Variants in CA10 observed in about 807,000 individuals in gnomAD.
CA10 encodes carbonic anhydrase-related protein 10.
CA10 carries 14 observed loss-of-function variants against 44.2 expected under a neutral mutation model. The ratio of observed to expected loss-of-function variants is 0.32; its 90% CI spans 0.21 to 0.50. The LOEUF (loss-of-function observed/expected upper bound fraction) is 0.50, where lower values mean the gene tolerates loss of function less well. Among genes scored for constraint, CA10 ranks in the 20% least tolerant of loss-of-function variants. The pLI is 0.99. For synonymous variants in CA10, 159 were observed against 141.6 expected (o/e 1.12, Z -0.87); for missense variants, 350 against 409.7 (o/e 0.85, Z 1.26).
chr17:51,937,061 C>T (rs1443758041), intron 2 of CA10, among the ~76,000 whole-genome samples: 3 of 152,114 alleles, frequency 2.0e-5, no homozygotes, highest in Admixed American at 6.6e-5. Context: ...AATCTTTTCT[C>T]GTTTTCAAGC....
At chr17:52,030,936 A>T (rs1334814155) in intron 2 of CA10, among the ~76,000 whole-genome samples, 1 of 152,216 alleles carries the variant, frequency 6.6e-6, no homozygotes, top group Admixed American at 6.5e-5. Context: ...ACTGAGCCAC[A>T]CTACTGGCAT....
chr17:51,734,166 T>C (rs1488307137), intron 4 of CA10, among the ~76,000 whole-genome samples: 1 of 116,992 alleles, frequency 8.5e-6, no homozygotes, highest in African/African-American at 3.8e-5. Context: ...AAGTGTGTAC[T>C]CAATCTTTGG....
intron 1 of CA10, among the ~76,000 whole-genome samples, chr17:52,156,586 G>A (rs1257900281): frequency 6.6e-6 from 1 of 152,198 alleles, no homozygotes; most frequent in Non-Finnish European, 1.5e-5. Context: ...CCAGAATCAG[G>A]TCTGGCTTAA....
intron 4 of CA10, among the ~76,000 whole-genome samples, chr17:51,705,817 G>C (rs1716606917): frequency 6.6e-6 from 1 of 152,176 alleles, no homozygotes; most frequent in Non-Finnish European, 1.5e-5. Flanking sequence ...GGGTAGAGGT[G>C]ACAGGTAGAG....
intron 3 of CA10, among the ~76,000 whole-genome samples, chr17:51,831,732 G>GCAGCAGCAGC (rs1567854679): frequency 2.0e-4 from 29 of 145,894 alleles, no homozygotes; most frequent in Middle Eastern, 3.5e-3. Flanking sequence ...AGCAGCAGCA[G>GCAGCAGCAGC]AAAAAGACCT....
intron 2 of CA10, among the ~76,000 whole-genome samples, chr17:51,992,110 T>C (rs944909143): frequency 3.2e-4 from 49 of 152,142 alleles, no homozygotes; most frequent in Non-Finnish European, 2.9e-5. Context: ...TCTATAAATG[T>C]TTCTGATATA....
At chr17:52,070,232 T>C (rs1285803001) in intron 2 of CA10, among the ~76,000 whole-genome samples, 1 of 152,236 alleles carries the variant, frequency 6.6e-6, no homozygotes, top group Non-Finnish European at 1.5e-5. Context: ...AGTTGTCCAC[T>C]GTGTAGAAAC....
intron 3 of CA10, among the ~76,000 whole-genome samples, chr17:51,890,284 G>A (rs1212074691): frequency 6.6e-6 from 1 of 152,154 alleles, no homozygotes. Context: ...GCATGAAACT[G>A]AGTGAAGACT....
rs116824294 is a variant in CA10 at position 51,719,030 on chromosome 17, C to G, written c.465+28603G>C. Among the ~76,000 whole-genome samples, 1,165 of 152,292 alleles carry G rather than the reference C, an allele frequency of 7.6e-3. 12 individuals are homozygous for G. The highest frequency in any genetic ancestry group is 0.026 in the African/African-American group (1,093 of 41,552). On this transcript the variant is annotated intron_variant, in intron 4 of 8. Transcript: ENST00000451037. ...GGTCACACTTTCCTCTGACCTCACT[C>G]CAGCTCTTTATTCCCTTCTGAGAGC...
At chr17:51,933,180 T>C (rs1346291299) in intron 2 of CA10, among the ~76,000 whole-genome samples, 1 of 152,146 alleles carries the variant, frequency 6.6e-6, no homozygotes, top group Non-Finnish European at 1.5e-5. Flanking sequence ...ATCCTAATCC[T>C]CAGAACATGT....
At chr17:51,710,450 C>T (rs1282051771) in intron 4 of CA10, among the ~76,000 whole-genome samples, 2 of 152,128 alleles carry the variant, frequency 1.3e-5, no homozygotes, top group African/African-American at 4.8e-5. Context: ...AAACACAACA[C>T]CCAGGTTGTC....
At chr17:51,717,941 A>G (rs905715578) in intron 4 of CA10, among the ~76,000 whole-genome samples, 1 of 142,632 alleles carries the variant, frequency 7.0e-6, no homozygotes, top group Non-Finnish European at 1.5e-5. Flanking sequence ...GAGATTGGAG[A>G]CTATTATTTT....
intron 4 of CA10, among the ~76,000 whole-genome samples, chr17:51,678,290 T>A (rs1261632570): frequency 6.6e-6 from 1 of 152,194 alleles, no homozygotes; most frequent in African/African-American, 2.4e-5. Context: ...ACTAGATAAA[T>A]GTGGTTGCAT....
intron 3 of CA10, among the ~76,000 whole-genome samples, chr17:51,816,974 C>T (rs1462592330): frequency 6.6e-6 from 1 of 152,146 alleles, no homozygotes; most frequent in African/African-American, 2.4e-5. Flanking sequence ...AAGGAATAAG[C>T]CTTTCTTGTG....
chr17:52,140,079 A>G (rs371743882), intron 1 of CA10, among the ~76,000 whole-genome samples: 42 of 152,214 alleles, frequency 2.8e-4, no homozygotes, highest in African/African-American at 1.0e-3. Flanking sequence ...GGTTGCCTGC[A>G]CAAGGATTGG....
chr17:51,847,585 C>A (rs1008408933), intron 3 of CA10, among the ~76,000 whole-genome samples: 3 of 152,148 alleles, frequency 2.0e-5, no homozygotes, highest in Non-Finnish European at 2.9e-5. Flanking sequence ...ATATATCTTA[C>A]AATTGTGAGC....
At chr17:52,001,514 C>T (rs1261174513) in intron 2 of CA10, among the ~76,000 whole-genome samples, 1 of 151,578 alleles carries the variant, frequency 6.6e-6, no homozygotes, top group Non-Finnish European at 1.5e-5. Flanking sequence ...TATTCTCTGC[C>T]GTTGCTGTTG....
intron 1 of CA10, among the ~76,000 whole-genome samples, chr17:52,107,587 T>C (rs1009976608): frequency 2.6e-5 from 4 of 152,096 alleles, no homozygotes; most frequent in African/African-American, 7.2e-5. Context: ...CACCAGATTC[T>C]AGATGGAGAT....
intron 2 of CA10, among the ~76,000 whole-genome samples, chr17:51,975,891 A>G (rs1984446731): frequency 6.6e-6 from 1 of 150,862 alleles, no homozygotes; most frequent in Non-Finnish European, 1.5e-5. Context: ...AAAAAAAAAA[A>G]AAGCAAGAGT....
Sources: allele counts gnomAD v4.1 joint callset (sites outside exome capture counted in the v4.1 genomes callset), GRCh38; gene constraint gnomAD v4.1.1; transcripts MANE v1.5; gene names NCBI Gene and HGNC (gene_info 2026-07-23, HGNC 2026-07-21).